The following ABCB11 variants were observed in gnomAD, a reference collection of about 807,000 sequenced individuals.
ABCB11 encodes the protein ATP binding cassette subfamily B member 11, also known as bile salt export pump.
ABCB11 carries 95 observed loss-of-function variants against 148.0 expected under a neutral mutation model. The observed-to-expected ratio is 0.64, with a 90% CI of 0.54 to 0.76. ABCB11 has a LOEUF of 0.76. ABCB11 is among the 30% of genes least tolerant of loss of function. ABCB11 has a pLI of 0.00. For synonymous variants in ABCB11, 591 were observed against 555.4 expected, an observed-to-expected ratio of 1.06 and a Z score of -0.90; for missense variants, 1,523 against 1,617.8, an observed-to-expected ratio of 0.94 and a Z score of 1.01.
chr2:168,918,615 C>T (rs1450148993), downstream of ABCB11, among the ~76,000 whole-genome samples: 2 of 152,184 alleles, frequency 1.3e-5, no homozygotes, highest in African/African-American at 4.8e-5. Context: ...TGTAAGTCAA[C>T]ATCATTATTT....
At chr2:168,942,989 T>C (rs997344146) in intron 21 of ABCB11, among the ~76,000 whole-genome samples, 3 of 151,976 alleles carry the variant, frequency 2.0e-5, no homozygotes, top group African/African-American at 4.8e-5. Flanking sequence ...TACCTCACAC[T>C]AATCTTAAGA....
At chr2:168,950,334 T>C (rs1692507387) in intron 19 of ABCB11, among the ~76,000 whole-genome samples, 1 of 151,648 alleles carries the variant, frequency 6.6e-6, no homozygotes, top group African/African-American at 2.4e-5. Context: ...GGTAGTTCCA[T>C]ATTTAGTTCT....
chr2:168,933,167 T>A (rs1408194614), intron 23 of ABCB11, among the ~76,000 whole-genome samples: 1 of 151,906 alleles, frequency 6.6e-6, no homozygotes, highest in Non-Finnish European at 1.5e-5. Flanking sequence ...CTGAAAAAAT[T>A]TTTTTAAAAG....
intron 25 of ABCB11, among the ~76,000 whole-genome samples, chr2:168,930,098 A>C (rs1055961374): frequency 2.6e-5 from 4 of 152,180 alleles, no homozygotes; most frequent in African/African-American, 9.6e-5. Context: ...AGAAAGAAAA[A>C]AAGGACAGAA....
chr2:169,029,148 T>C (rs2106080309), intron 1 of ABCB11, among the ~76,000 whole-genome samples: 1 of 152,210 alleles, frequency 6.6e-6, no homozygotes, highest in Non-Finnish European at 1.5e-5. Context: ...TCTTGCCCTC[T>C]GTAAAGACTT....
chr2:168,960,294 T>C (rs998759385), intron 18 of ABCB11, among the ~76,000 whole-genome samples: 3 of 151,766 alleles, frequency 2.0e-5, no homozygotes, highest in Admixed American at 1.3e-4. Context: ...GATTCTATAA[T>C]GTATGTTTTA....
At chr2:168,945,274 A>T (rs1226259548) in intron 19 of ABCB11, among the ~76,000 whole-genome samples, 2 of 151,924 alleles carry the variant, frequency 1.3e-5, no homozygotes, top group Non-Finnish European at 2.9e-5. Flanking sequence ...TAAACCTAAA[A>T]GTGCTCTAAA....
At chr2:169,001,515 C>G (rs1694870890) in intron 5 of ABCB11, among the ~76,000 whole-genome samples, 1 of 152,060 alleles carries the variant, frequency 6.6e-6, no homozygotes, top group African/African-American at 2.4e-5. Flanking sequence ...TCAGGCCTCC[C>G]ACATATTCTC....
At chr2:168,941,850 T>C (rs1692076077) in intron 21 of ABCB11, among the ~76,000 whole-genome samples, 2 of 152,062 alleles carry the variant, frequency 1.3e-5, no homozygotes, top group South Asian at 4.1e-4. Flanking sequence ...TGTACATTGT[T>C]TATTTTTAGA....
chr2:168,959,442 C>T (rs891566724), intron 18 of ABCB11, among the ~76,000 whole-genome samples: 2 of 151,584 alleles, frequency 1.3e-5, no homozygotes, highest in Non-Finnish European at 3.0e-5. Flanking sequence ...AAAAGCCCAA[C>T]GTGGCCACCC....
intron 18 of ABCB11, 82 bp downstream of exon 18, chr2:168,964,124 C>G: frequency 5.9e-6 from 6 of 1,025,300 alleles, no homozygotes; most frequent in Non-Finnish European, 8.8e-6. Flanking sequence ...CTAGAAAACT[C>G]ATATTCTCAG....
chr2:168,997,863 G>T (rs1029406161), intron 5 of ABCB11, among the ~76,000 whole-genome samples: 1 of 151,938 alleles, frequency 6.6e-6, no homozygotes, highest in Non-Finnish European at 1.5e-5. Flanking sequence ...AAGGTCAAGG[G>T]CTGGGCTTAC....
At position 168,971,936 on chromosome 2, in the gene ABCB11, G is replaced by A. The variant is rs764103827; in HGVS notation, c.1549C>T (p.Arg517Cys). ...ATTGTTGCATCTTCTCTGCCATAGC[G>A]AATATTTTCTGCAATGGTGGTAGAG... ...LFSTTIAENI[R>C]YGREDATMED... Residue 517 changes from arginine (R) to cysteine (C), a missense_variant, in exon 14 of 28, where the codon CGC becomes TGC. Coordinates refer to ENST00000650372, the MANE Select transcript of ABCB11 (RefSeq NM_003742.4). The A allele has an allele frequency of 2.5e-6, 4 of 1,613,052 alleles. No homozygotes were observed. The highest frequency in any genetic ancestry group is 1.7e-5 in the Admixed American group (1 of 59,892).
chr2:169,012,320 T>C (rs1294580502), intron 5 of ABCB11, among the ~76,000 whole-genome samples: 1 of 152,154 alleles, frequency 6.6e-6, no homozygotes, highest in Non-Finnish European at 1.5e-5. Context: ...AAGGCCATGC[T>C]ATGACAGTGA....
At chr2:169,020,871 G>A (rs992065472) in intron 1 of ABCB11, among the ~76,000 whole-genome samples, 1 of 152,046 alleles carries the variant, frequency 6.6e-6, no homozygotes. Context: ...CTTTACATAG[G>A]TGAACTCTGT....
Position 168,923,442 on chromosome 2 carries a change from G to A in ABCB11, c.*180C>T, listed in dbSNP as rs1404434339. On this transcript the variant is annotated 3_prime_UTR_variant, in exon 28 of 28. Transcript: ENST00000650372. ...ACACATCTAAAGCAGAATTATTATG[G>A]AAGGCCATTAGAAATTAGCTTGGAT... 3 of 636,036 alleles carry A rather than the reference G, an allele frequency of 4.7e-6. No homozygotes were observed. Among genetic ancestry groups the A allele is most frequent in the Non-Finnish European group, 8.2e-6 (3 of 364,164 alleles). The allele number at this position is 636,036 out of a possible 1,614,324, so 39.4% of individuals were successfully genotyped here. A position where few individuals can be genotyped will look rare whatever the true frequency, so the allele number is the denominator to read the frequency against.
chr2:168,968,371 G>C, intron 17 of ABCB11, 56 bp downstream of exon 17: 6 of 1,507,622 alleles, frequency 4.0e-6, no homozygotes, highest in Non-Finnish European at 2.7e-6. Context: ...TAGGACTACA[G>C]AGGACTCCTC....
chr2:168,949,050 G>C (rs941312394), intron 19 of ABCB11, among the ~76,000 whole-genome samples: 7 of 151,488 alleles, frequency 4.6e-5, no homozygotes, highest in African/African-American at 1.7e-4. Context: ...ACTAGGATTC[G>C]GTAAACCTGG....
At chr2:169,011,236 C>G (rs1695177702) in intron 5 of ABCB11, among the ~76,000 whole-genome samples, 1 of 152,152 alleles carries the variant, frequency 6.6e-6, no homozygotes, top group East Asian at 1.9e-4. Flanking sequence ...TCCTCAAAAA[C>G]TTATCCTCAT....
Sources: allele counts gnomAD v4.1 joint callset (sites outside exome capture counted in the v4.1 genomes callset), GRCh38; gene constraint gnomAD v4.1.1; transcripts MANE v1.5; gene names NCBI Gene and HGNC (gene_info 2026-07-23, HGNC 2026-07-21).